The following XKR6 variants were observed in gnomAD, a reference collection of about 807,000 sequenced individuals.
The protein encoded by XKR6 is XK-related protein 6.
Under a neutral mutation model 56.7 loss-of-function variants are expected in XKR6, and 22 were observed. The observed-to-expected ratio is 0.39, with a 90% CI of 0.28 to 0.55. The LOEUF is 0.55. Among genes scored for constraint, XKR6 ranks in the 20% least tolerant of loss-of-function variants. The probability of loss-of-function intolerance (pLI) is 0.66; values close to 1 mark genes in which losing one functional copy is unlikely to be tolerated. For synonymous variants in XKR6, 524 were observed against 387.8 expected (o/e 1.35, Z -4.13); for missense variants, 852 against 889.0 (o/e 0.96, Z 0.53).
intron 1 of XKR6, chr8:11,128,832 A>G (rs1203829400): frequency 6.6e-6 from 3 of 456,646 alleles, no homozygotes; most frequent in Non-Finnish European, 1.3e-5. Context: ...GAATCTGATC[A>G]CCTTACCACC....
intron 1 of XKR6, chr8:11,194,374 T>G (rs917973372): frequency 6.6e-6 from 1 of 152,242 alleles, no homozygotes; most frequent in Non-Finnish European, 1.5e-5. Context: ...TGCGCTTTTC[T>G]TAAGTATCTC....
chr8:11,200,709 A>G lies in XKR6; in HGVS notation c.631T>C (p.Tyr211His). The G allele has an allele frequency of 1.3e-6, 2 of 1,586,100 alleles. No homozygotes were observed. Among genetic ancestry groups the G allele is most frequent in the South Asian group, 2.3e-5 (2 of 88,736 alleles). ...SRGPPMMGAG[Y>H]VHGAARGGPG... ...CCACCGCGGGCCGCGCCGTGGACGT[A>G]GCCGGCCCCCATCATGGGGGGGCCC... is the stretch of plus-strand genomic sequence containing the variant. Residue 211 changes from tyrosine (Y) to histidine (H), a missense_variant, in exon 1 of 3, where the codon TAC becomes CAC. Tyr to His is a moderately conservative substitution (Grantham distance 83, BLOSUM62 2). Around this residue, in one of 4 missense-constraint regions of XKR6, gnomAD observed 417 missense variants for 355.2 expected, o/e 1.17. Transcript: ENST00000416569. The surrounding 1 kb of genome is among the most constrained non-coding windows in gnomAD (Gnocchi z 6.4).
At chr8:11,054,555 T>C (rs1031838571) in intron 1 of XKR6, among the ~76,000 whole-genome samples, 31 of 152,184 alleles carry the variant, frequency 2.0e-4, no homozygotes, top group African/African-American at 7.2e-4. Context: ...CCTGGCAATG[T>C]TATAAGCACA....
intron 1 of XKR6, among the ~76,000 whole-genome samples, chr8:11,008,254 T>G (rs1268314210): frequency 6.6e-6 from 1 of 152,108 alleles, no homozygotes; most frequent in East Asian, 1.9e-4. Flanking sequence ...ACTGGCCACT[T>G]GGCTCCAACA....
chr8:11,197,709 C>T (rs114751254), intron 1 of XKR6, among the ~76,000 whole-genome samples: 1,644 of 152,332 alleles, frequency 0.011, 34 homozygotes, highest in African/African-American at 0.038. Context: ...GACAACCATT[C>T]TTCCATGCTC....
chr8:11,194,887 T>A (rs1435053857), intron 1 of XKR6: 2 of 501,418 alleles, frequency 4.0e-6, no homozygotes, highest in Non-Finnish European at 7.0e-6. Context: ...TCTGGATCCT[T>A]CTGGAAATAC....
intron 1 of XKR6, among the ~76,000 whole-genome samples, chr8:10,986,573 T>G (rs1417273968): frequency 6.6e-6 from 1 of 152,186 alleles, no homozygotes; most frequent in Non-Finnish European, 1.5e-5. Context: ...TGGTAGTTTT[T>G]GAGCAAGAAA....
intron 1 of XKR6, among the ~76,000 whole-genome samples, chr8:11,039,598 G>C (rs1799233348): frequency 6.6e-6 from 1 of 152,220 alleles, no homozygotes; most frequent in South Asian, 2.1e-4. Context: ...CCAACGTCCA[G>C]GGTGGATGGA....
At chr8:10,899,370 G>A (rs567536092) in intron 2 of XKR6, among the ~76,000 whole-genome samples, 15 of 152,284 alleles carry the variant, frequency 9.9e-5, no homozygotes, top group African/African-American at 2.4e-4. Context: ...TTTACCCACC[G>A]CCCTGAATTC....
At chr8:11,103,602 T>C (rs960833763) in intron 1 of XKR6, among the ~76,000 whole-genome samples, 2 of 152,178 alleles carry the variant, frequency 1.3e-5, no homozygotes, top group Non-Finnish European at 2.9e-5. Context: ...AAAGGGTCAC[T>C]GAGAACCATT....
At chr8:11,146,022 C>T (rs1421723081) in intron 1 of XKR6, among the ~76,000 whole-genome samples, 1 of 151,726 alleles carries the variant, frequency 6.6e-6, no homozygotes, top group African/African-American at 2.4e-5. Context: ...CAGAATCAAG[C>T]TCGGAAATAC....
chr8:11,047,042 T>C (rs917398312), intron 1 of XKR6, among the ~76,000 whole-genome samples: 4 of 152,068 alleles, frequency 2.6e-5, no homozygotes, highest in Non-Finnish European at 5.9e-5. Context: ...AAAGTTTCAA[T>C]TCGGCAGGAT....
At chr8:11,175,686 T>A (rs1183688317) in intron 1 of XKR6, 1 of 152,244 alleles carries the variant, frequency 6.6e-6, no homozygotes, top group Admixed American at 6.5e-5. Flanking sequence ...AATTTCTGAT[T>A]ATCTACCTGA....
At chr8:11,013,801 T>A (rs934980393) in intron 1 of XKR6, among the ~76,000 whole-genome samples, 3 of 152,220 alleles carry the variant, frequency 2.0e-5, no homozygotes, top group African/African-American at 7.2e-5. Context: ...TCAGCAGGGT[T>A]CCTTACACAG....
intron 1 of XKR6, among the ~76,000 whole-genome samples, chr8:11,157,513 T>C (rs1398825919): frequency 6.6e-6 from 1 of 152,042 alleles, no homozygotes; most frequent in South Asian, 2.1e-4. Flanking sequence ...TATGTATGTA[T>C]GTATGTATGT....
At chr8:10,948,380 A>C (rs1801613347) in intron 1 of XKR6, among the ~76,000 whole-genome samples, 1 of 152,124 alleles carries the variant, frequency 6.6e-6, no homozygotes, top group Non-Finnish European at 1.5e-5. Flanking sequence ...GCTGAGACTT[A>C]GGCTCTTGAA....
intron 1 of XKR6, among the ~76,000 whole-genome samples, chr8:11,022,313 C>T (rs1164359324): frequency 6.6e-6 from 1 of 152,016 alleles, no homozygotes; most frequent in Non-Finnish European, 1.5e-5. Context: ...CATTGTTCCA[C>T]CTGGGTGATC....
chr8:11,044,156 G>T (rs1166883449), intron 1 of XKR6, among the ~76,000 whole-genome samples: 1 of 152,224 alleles, frequency 6.6e-6, no homozygotes, highest in Non-Finnish European at 1.5e-5. Flanking sequence ...ACTGGTTCTG[G>T]CTGGTTTACA....
intron 1 of XKR6, among the ~76,000 whole-genome samples, chr8:11,068,891 C>G (rs910751230): frequency 3.3e-5 from 5 of 152,220 alleles, no homozygotes; most frequent in African/African-American, 1.2e-4. Flanking sequence ...CAGGAAGAAT[C>G]TCCTCCCTTG....
Sources: allele counts gnomAD v4.1 joint callset (sites outside exome capture counted in the v4.1 genomes callset), GRCh38; gene constraint gnomAD v4.1.1; regional missense constraint gnomAD v4.1.1; non-coding constraint Gnocchi (gnomAD v3.1); transcripts MANE v1.5; gene names NCBI Gene and HGNC (gene_info 2026-07-23, HGNC 2026-07-21).